The following TENM4 variants were observed in gnomAD, a reference collection of about 807,000 sequenced individuals.
The protein encoded by TENM4 is teneurin transmembrane protein 4.
TENM4 carries 82 observed loss-of-function variants against 243.3 expected under a neutral mutation model. The observed-to-expected ratio is 0.34, with a 90% CI of 0.28 to 0.40. The LOEUF (loss-of-function observed/expected upper bound fraction) is 0.40. TENM4 is among the 10% of genes least tolerant of loss of function. The pLI, the probability that TENM4 is intolerant of heterozygous loss-of-function variation, is 1.00. For synonymous variants in TENM4, 1,412 were observed against 1,456.3 expected (o/e 0.97, Z 0.69); for missense variants, 3,138 against 3,673.3 (o/e 0.85, Z 3.77).
At chr11:79,061,842 G>A (rs1278502338) in intron 6 of TENM4, among the ~76,000 whole-genome samples, 1 of 152,112 alleles carries the variant, frequency 6.6e-6, no homozygotes, top group African/African-American at 2.4e-5. Flanking sequence ...CTGGGCTGCG[G>A]TTTCCTTACT....
At chr11:78,871,666 C>A (rs1220812923) in intron 9 of TENM4, among the ~76,000 whole-genome samples, 1 of 152,208 alleles carries the variant, frequency 6.6e-6, no homozygotes, top group Non-Finnish European at 1.5e-5. Context: ...GGACAGCCAT[C>A]CTCATTGCTT....
At chr11:78,954,329 G>A (rs1857165939) in intron 6 of TENM4, among the ~76,000 whole-genome samples, 1 of 152,200 alleles carries the variant, frequency 6.6e-6, no homozygotes, top group African/African-American at 2.4e-5. Flanking sequence ...GCTGTGTGGG[G>A]GCAGCATTAA....
At chr11:79,429,002 G>C (rs1376576639) in intron 1 of TENM4, among the ~76,000 whole-genome samples, 1 of 152,184 alleles carries the variant, frequency 6.6e-6, no homozygotes, top group Non-Finnish European at 1.5e-5. Context: ...GGGGCATGGT[G>C]CTAGTCTTTG....
chr11:78,912,858 GCCA>G (rs1429753007), intron 6 of TENM4, among the ~76,000 whole-genome samples: 2 of 152,198 alleles, frequency 1.3e-5, no homozygotes, highest in African/African-American at 2.4e-5. Context: ...ATTTGACTGG[GCCA>G]CCATTTGAAT....
intron 4 of TENM4, among the ~76,000 whole-genome samples, chr11:79,094,955 C>T (rs1456861445): frequency 6.6e-6 from 1 of 152,212 alleles, no homozygotes; most frequent in South Asian, 2.1e-4. Flanking sequence ...GGATCTGAGG[C>T]CAGACCCAGG....
intron 1 of TENM4, among the ~76,000 whole-genome samples, chr11:79,330,467 G>A (rs1590884979): frequency 1.3e-5 from 2 of 152,164 alleles, no homozygotes; most frequent in Non-Finnish European, 2.9e-5. Flanking sequence ...GTTGATCACA[G>A]GCCTTAATCC....
chr11:79,232,734 A>T (rs752878922), intron 2 of TENM4, among the ~76,000 whole-genome samples: 7 of 152,226 alleles, frequency 4.6e-5, no homozygotes, highest in Non-Finnish European at 1.0e-4. Flanking sequence ...GTGGGTGAGC[A>T]GTGTCTGGGA....
At chr11:79,105,807 C>G (rs12419002) in intron 4 of TENM4, among the ~76,000 whole-genome samples, 1 of 152,140 alleles carries the variant, frequency 6.6e-6, no homozygotes, top group Non-Finnish European at 1.5e-5. Context: ...AGCAAGGTAA[C>G]AGTGTTGCTG....
chr11:78,880,579 TA>T (rs1456694954), intron 9 of TENM4, among the ~76,000 whole-genome samples: 3 of 151,824 alleles, frequency 2.0e-5, no homozygotes, highest in African/African-American at 7.3e-5. Flanking sequence ...CTGTTGTTAT[TA>T]AAAATGAATA....
At chr11:79,111,241 G>A (rs1029285060) in intron 4 of TENM4, among the ~76,000 whole-genome samples, 2 of 152,132 alleles carry the variant, frequency 1.3e-5, no homozygotes, top group Non-Finnish European at 2.9e-5. Context: ...GTAAAACTGT[G>A]AGTCCATCAA....
intron 2 of TENM4, among the ~76,000 whole-genome samples, chr11:79,278,791 G>A (rs1279586447): frequency 2.6e-5 from 4 of 152,162 alleles, no homozygotes; most frequent in African/African-American, 4.8e-5. Flanking sequence ...GGGTATGTGT[G>A]TACATGTGCA....
chr11:79,439,505 A>G (rs952875725), intron 1 of TENM4, among the ~76,000 whole-genome samples: 3 of 152,104 alleles, frequency 2.0e-5, no homozygotes, highest in Non-Finnish European at 1.5e-5. Context: ...CTGAATTTCC[A>G]GTACTTTCCA....
intron 12 of TENM4, among the ~76,000 whole-genome samples, chr11:78,825,153 A>C (rs1857824116): frequency 6.6e-6 from 1 of 152,180 alleles, no homozygotes; most frequent in African/African-American, 2.4e-5. Context: ...GAGCACTGGG[A>C]AGGCTTTAGC....
chr11:79,176,963 T>C (rs1343939478), intron 3 of TENM4, among the ~76,000 whole-genome samples: 1 of 152,148 alleles, frequency 6.6e-6, no homozygotes, highest in African/African-American at 2.4e-5. Context: ...ACATTGCTTT[T>C]ACCTCTTGTC....
At chr11:79,218,895 A>G (rs1864108012) in intron 2 of TENM4, among the ~76,000 whole-genome samples, 1 of 152,220 alleles carries the variant, frequency 6.6e-6, no homozygotes, top group South Asian at 2.1e-4. Flanking sequence ...ATTCATTCAC[A>G]TATTCACTCA....
chr11:78,736,746 C>T (rs1855807472), intron 20 of TENM4, among the ~76,000 whole-genome samples: 1 of 152,212 alleles, frequency 6.6e-6, no homozygotes, highest in South Asian at 2.1e-4. Flanking sequence ...CAATTGATAA[C>T]TTTCCCATAC....
At chr11:79,337,676 G>A (rs890053650) in intron 1 of TENM4, among the ~76,000 whole-genome samples, 1 of 152,194 alleles carries the variant, frequency 6.6e-6, no homozygotes, top group African/African-American at 2.4e-5. Flanking sequence ...GAGCCACATG[G>A]ACTCCCTGGT....
intron 6 of TENM4, among the ~76,000 whole-genome samples, chr11:79,051,103 T>A (rs1565182838): frequency 6.6e-6 from 1 of 152,230 alleles, no homozygotes; most frequent in Admixed American, 6.5e-5. Context: ...TTGTCACAAA[T>A]GTTAAACAAA....
rs573341290 is a variant in TENM4, at chr11:78,846,761, C to T, written c.1681+7343G>A. On this transcript the variant is annotated intron_variant, in intron 12 of 33. Coordinates refer to ENST00000278550, the MANE Select transcript of TENM4 (RefSeq NM_001098816.3). ...CTCCTGGCTATACCCAATGTCCAGA[C>T]AAGGGTCTGGCACACAGTAAGAGGG... Among the ~76,000 whole-genome samples the T allele has an allele frequency of 7.1e-4, 108 of 152,358 alleles. 1 individual carries two copies. Among genetic ancestry groups the T allele is most frequent in the African/African-American group, 2.3e-3 (94 of 41,586 alleles).
Sources: gnomAD v4.1 joint callset for allele counts (sites outside exome capture counted in the v4.1 genomes callset) on GRCh38, gnomAD v4.1.1 for gene constraint, MANE v1.5 for transcripts, NCBI Gene and HGNC (gene_info 2026-07-23, HGNC 2026-07-21) for gene names.